The following TSPAN16 variants were observed in gnomAD, a reference collection of about 807,000 sequenced individuals.
TSPAN16 encodes tetraspanin-16.
TSPAN16 carries 23 observed loss-of-function variants against 25.2 expected under a neutral mutation model. That is an observed-to-expected ratio of 0.91 (90% CI 0.66 to 1.29). The LOEUF (loss-of-function observed/expected upper bound fraction) is 1.29. Among genes scored for constraint, TSPAN16 ranks in the 50% most tolerant of loss-of-function variants. TSPAN16 has a pLI of 0.00. For missense variants in TSPAN16, 272 were observed against 299.9 expected (o/e 0.91, Z 0.69); for synonymous variants, 123 against 124.4 (o/e 0.99, Z 0.08).
At chr19:11,319,736 G>A (rs1169657150), downstream of TSPAN16, among the ~76,000 whole-genome samples, 1 of 152,158 alleles carries the variant, frequency 6.6e-6, no homozygotes, top group Non-Finnish European at 1.5e-5. Context: ...TGGGGAGGGG[G>A]GCACCACCCT....
At chr19:11,318,547 C>T (rs946343404), downstream of TSPAN16, among the ~76,000 whole-genome samples, 1 of 152,146 alleles carries the variant, frequency 6.6e-6, no homozygotes, top group Non-Finnish European at 1.5e-5. Flanking sequence ...GTCATGGTCA[C>T]AGCTGAGCAT....
Position 11,315,878 on chromosome 19 carries a change from G to A in TSPAN16, c.*40G>A. On this transcript the variant is annotated 3_prime_UTR_variant, in exon 7 of 7. Transcript: ENST00000590327. ...GAAGATGAGACACCTGGGCCCATCT[G>A]GCTGCTGGAGATTCAGTCTCAGTTT... The A allele has an allele frequency of 8.1e-7, 1 of 1,231,810 alleles. No homozygotes were observed. The highest frequency in any genetic ancestry group is 1.0e-6 in the Non-Finnish European group (1 of 987,774). The allele number at this position is 1,231,810 out of a possible 1,614,324, so 76.3% of individuals were successfully genotyped here.
chr19:11,323,696 T>C (rs2080794644), intron 6 of TSPAN16: 2 of 152,222 alleles, frequency 1.3e-5, no homozygotes, highest in South Asian at 2.1e-4. Flanking sequence ...TGAACCAGGC[T>C]TTCCCCCTCA....
At chr19:11,301,180 A>C in intron 3 of TSPAN16, 21 bp from the exon 4 acceptor site, 2 of 1,606,490 alleles carry the variant, frequency 1.2e-6, no homozygotes, top group Non-Finnish European at 1.7e-6. Context: ...GGTACTGATC[A>C]CTTCCTGTCC....
downstream of TSPAN16, chr19:11,316,120 T>A (rs1173891033): frequency 6.4e-6 from 1 of 155,720 alleles, no homozygotes; most frequent in Non-Finnish European, 1.0e-5. Flanking sequence ...TGTGTGTGGT[T>A]TTTTTTTTTT....
chr19:11,297,264 C>T (rs1261571067), intron 1 of TSPAN16, among the ~76,000 whole-genome samples: 1 of 151,964 alleles, frequency 6.6e-6, no homozygotes, highest in Non-Finnish European at 1.5e-5. Context: ...GAGCTCGAGA[C>T]CAGCTATAGT....
downstream of TSPAN16, among the ~76,000 whole-genome samples, chr19:11,316,653 T>A (rs2082515580): frequency 6.6e-6 from 1 of 152,122 alleles, no homozygotes; most frequent in Admixed American, 6.6e-5. Context: ...CAATGTGGAA[T>A]GATTAAATCA....
intron 6 of TSPAN16, among the ~76,000 whole-genome samples, chr19:11,313,137 A>C (rs546549270): frequency 2.4e-4 from 36 of 152,314 alleles, no homozygotes; most frequent in African/African-American, 8.4e-4. Context: ...TTCACCTGCA[A>C]ACTCTGCCAA....
intron 3 of TSPAN16, 62 bp downstream of exon 3, chr19:11,299,008 A>C (rs422496): frequency 1.9e-6 from 3 of 1,544,540 alleles, no homozygotes; most frequent in Middle Eastern, 1.7e-4. Flanking sequence ...GGACGGGCAC[A>C]GTGGCTCACG....
At chr19:11,302,528 C>CAAAAAA (rs71164181) in intron 4 of TSPAN16, among the ~76,000 whole-genome samples, 5 of 49,278 alleles carry the variant, frequency 1.0e-4, no homozygotes, top group African/African-American at 2.4e-4. Flanking sequence ...GGCTCCATCT[C>CAAAAAA]AAAAAAAAAA....
At chr19:11,296,936 A>T (rs1333330192) in intron 1 of TSPAN16, among the ~76,000 whole-genome samples, 1 of 152,156 alleles carries the variant, frequency 6.6e-6, no homozygotes, top group Non-Finnish European at 1.5e-5. Context: ...GCTACTCAGG[A>T]GGCTGAGGCA....
At chr19:11,305,191 C>G (rs2080612355) in intron 4 of TSPAN16, among the ~76,000 whole-genome samples, 6 of 152,122 alleles carry the variant, frequency 3.9e-5, no homozygotes, top group Admixed American at 3.9e-4. Flanking sequence ...TGAGCACCTG[C>G]TATGAGTCAG....
At chr19:11,326,326 A>G (rs751420643) in intron 6 of TSPAN16, among the ~76,000 whole-genome samples, 3 of 152,058 alleles carry the variant, frequency 2.0e-5, no homozygotes, top group Non-Finnish European at 4.4e-5. Context: ...GGCAGCAGTG[A>G]GCCATGATCA....
intron 6 of TSPAN16, chr19:11,325,268 C>T: frequency 1.6e-6 from 1 of 641,864 alleles, no homozygotes; most frequent in Non-Finnish European, 2.7e-6. Context: ...ATGAGCCATG[C>T]AGGAGTCGGG....
downstream of TSPAN16, among the ~76,000 whole-genome samples, chr19:11,316,633 T>C (rs1001124038): frequency 2.6e-5 from 4 of 152,134 alleles, no homozygotes; most frequent in Admixed American, 1.3e-4. Context: ...GATGTTTTGA[T>C]ATATGCATAC....
rs1378660317 is a variant in TSPAN16, at chr19:11,303,556, AAAAT to A, written c.450+2265_450+2268del. Among the ~76,000 whole-genome samples, 321 of 132,924 alleles carry A rather than the reference AAAAT, an allele frequency of 2.4e-3. 5 individuals are homozygous for A. Among genetic ancestry groups the A allele is most frequent in the Admixed American group, 0.024 (292 of 12,250 alleles). The allele number at this position is 132,924 out of a possible 152,430, so 87.2% of individuals were successfully genotyped here. ...AGAAACACCCAAGAATGATCAATAA[AAAAT>A]AAATAAATAAATAAATTAAAAAAAA... On this transcript the variant is annotated intron_variant, in intron 4 of 6. Coordinates refer to ENST00000590327, the MANE Select transcript of TSPAN16 (RefSeq NM_001282509.2).
At chr19:11,302,479 G>T (rs1298082597) in intron 4 of TSPAN16, among the ~76,000 whole-genome samples, 1 of 134,746 alleles carries the variant, frequency 7.4e-6, no homozygotes, top group African/African-American at 3.0e-5. Flanking sequence ...CGGTGAGCCA[G>T]GATCATGCCA....
chr19:11,315,092 C>T (rs879294449), intron 6 of TSPAN16, among the ~76,000 whole-genome samples: 1 of 151,422 alleles, frequency 6.6e-6, no homozygotes, highest in Non-Finnish European at 1.5e-5. Context: ...AAAAATTAGC[C>T]GGGCGTGGTG....
intron 5 of TSPAN16, among the ~76,000 whole-genome samples, chr19:11,310,686 G>T (rs1348494826): frequency 2.0e-5 from 3 of 152,156 alleles, no homozygotes; most frequent in East Asian, 3.8e-4. Flanking sequence ...AGTGAGAAAT[G>T]AGTAAGAAAA....
Sources: gnomAD v4.1 joint callset for allele counts (sites outside exome capture counted in the v4.1 genomes callset) on GRCh38, gnomAD v4.1.1 for gene constraint, MANE v1.5 for transcripts, NCBI Gene and HGNC (gene_info 2026-07-23, HGNC 2026-07-21) for gene names.